Variants in CELSR1 observed in about 807,000 individuals in gnomAD.
CELSR1 encodes cadherin EGF LAG seven-pass G-type receptor 1.
In CELSR1, 110 loss-of-function variants were observed where a neutral mutation model predicts 249.1. That is an observed-to-expected ratio of 0.44 (90% CI 0.38 to 0.52). The LOEUF is 0.52. Ranked by LOEUF, CELSR1 falls within the 20% of genes least tolerant of loss-of-function variation. The pLI, the probability that CELSR1 is intolerant of heterozygous loss-of-function variation, is 0.00. For synonymous variants in CELSR1, 2,113 were observed against 1,900.0 expected (o/e 1.11, Z -2.92); for missense variants, 4,109 against 4,296.4 (o/e 0.96, Z 1.22).
intron 2 of CELSR1, 73 bp from the exon 3 acceptor site, chr22:46,439,484 G>C (rs2079715548): frequency 2.4e-6 from 3 of 1,267,974 alleles, no homozygotes; most frequent in African/African-American, 2.9e-5. Flanking sequence ...GCCTGTCGCA[G>C]ACCCTGGACA....
At chr22:46,370,559 G>A (rs192295674) in intron 25 of CELSR1, among the ~76,000 whole-genome samples, 4 of 152,344 alleles carry the variant, frequency 2.6e-5, no homozygotes, top group South Asian at 4.1e-4. Flanking sequence ...TGTCCATGCA[G>A]AGCATCAAGG....
chr22:46,523,781 C>T (rs1370035321), intron 1 of CELSR1, among the ~76,000 whole-genome samples: 3 of 152,100 alleles, frequency 2.0e-5, no homozygotes, highest in Admixed American at 2.0e-4. Flanking sequence ...CAGCTCTGAC[C>T]AGTGACATGC....
chr22:46,500,465 G>A lies in CELSR1; in HGVS notation c.3544+33162C>T, dbSNP rs2080455654. On this transcript the variant is annotated intron_variant, in intron 1 of 34. Transcript: ENST00000674500. This position sits in a 1 kb window ranked among gnomAD's most constrained non-coding sequence, Gnocchi z 4.9. The stretch of plus-strand genomic sequence containing the variant: ...TTGATGGGCAACCATGGGGACAATG[G>A]CAAGGCTCTGGGCTTATTCAGATGA... Among the ~76,000 whole-genome samples, 1 of 152,154 alleles carries A rather than the reference G, an allele frequency of 6.6e-6. No homozygotes were observed. The highest frequency in any genetic ancestry group is 2.1e-4 in the South Asian group (1 of 4,830).
At position 46,381,161 on chromosome 22, in the gene CELSR1, A is replaced by T. The variant is rs190954195; in HGVS notation, c.7089-206T>A. ...GACAGGGCACACAGAGAGAGGTGTC[A>T]CCTTTGGGTCAAATTGGGACTTCAG... On this transcript the variant is annotated intron_variant, in intron 21 of 34. Transcript: ENST00000674500. The surrounding 1 kb of genome is among the most constrained non-coding windows in gnomAD (Gnocchi z 6.0). Among the ~76,000 whole-genome samples the T allele has an allele frequency of 1.9e-3, 291 of 152,286 alleles. 1 individual carries two copies. The highest frequency in any genetic ancestry group is 3.5e-3 in the Admixed American group (53 of 15,300).
Position 46,377,427 on chromosome 22 carries a change from G to T in CELSR1, c.7384-166C>A, listed in dbSNP as rs573738116. 20 of 730,388 alleles carry T rather than the reference G, an allele frequency of 2.7e-5. No individual in the cohort carries two copies. In the African/African-American group the frequency reaches 2.8e-4, roughly 10 times the overall value. The allele number at this position is 730,388 out of a possible 1,614,324, so 45.2% of individuals were successfully genotyped here. A position where few individuals can be genotyped will look rare whatever the true frequency, so the allele number is the denominator to read the frequency against. ...TGCTCATGGCTCTGGGCCTGGAACT[G>T]CCCCTCCTGAGGCTCCTTCAATGCC... On this transcript the variant is annotated intron_variant, in intron 23 of 34. Transcript: ENST00000674500.
chr22:46,489,102 C>T (rs949376939), intron 1 of CELSR1, among the ~76,000 whole-genome samples: 6 of 152,176 alleles, frequency 3.9e-5, no homozygotes, highest in African/African-American at 2.4e-5. Context: ...CAAAGAATAA[C>T]TGCAATTCAG....
intron 20 of CELSR1, among the ~76,000 whole-genome samples, 178 bp from the exon 21 acceptor site, chr22:46,382,228 G>C (rs957255862): frequency 2.6e-5 from 4 of 152,188 alleles, no homozygotes; most frequent in African/African-American, 9.6e-5. Context: ...CCACTTCTGG[G>C]TATACACCCC....
chr22:46,487,312 T>G (rs1368970794), intron 1 of CELSR1, among the ~76,000 whole-genome samples: 1 of 151,558 alleles, frequency 6.6e-6, no homozygotes, highest in Non-Finnish European at 1.5e-5. Flanking sequence ...TAAAAACTAT[T>G]TGGTATAATA....
At position 46,402,609 on chromosome 22, in the gene CELSR1, G is replaced by T. The variant is rs2079220827; in HGVS notation, c.5227-2707C>A. The stretch of plus-strand genomic sequence containing the variant: ...AGTATACGAGGATATAAGGTAATAT[G>T]CTTGAAAACCAAGAGAAGCAAGGAA... On this transcript the variant is annotated intron_variant, in intron 9 of 34. Coordinates refer to ENST00000674500, the MANE Select transcript of CELSR1 (RefSeq NM_001378328.1). This position sits in a 1 kb window ranked among gnomAD's most constrained non-coding sequence, Gnocchi z 5.0. Among the ~76,000 whole-genome samples, 1 of 152,164 alleles carries T rather than the reference G, an allele frequency of 6.6e-6. No individual in the cohort carries two copies. Among genetic ancestry groups the T allele is most frequent in the Admixed American group, 6.5e-5 (1 of 15,270 alleles).
At chr22:46,524,220 C>T (rs2080714581) in intron 1 of CELSR1, among the ~76,000 whole-genome samples, 1 of 152,218 alleles carries the variant, frequency 6.6e-6, no homozygotes, top group African/African-American at 2.4e-5. Context: ...TAAGATTTCA[C>T]TGAGACGATG....
In CELSR1 at chr22:46,393,826, C is replaced by T. The variant is rs553746108; in HGVS notation, c.5964+316G>A. Among the ~76,000 whole-genome samples the T allele has an allele frequency of 5.3e-5, 8 of 151,620 alleles. No homozygotes were observed. In the South Asian group the frequency reaches 1.5e-3, roughly 28 times the overall value. ...CCATAGATGAGCCAGCCCTCAGAAA[C>T]GGGTGGGCTTCCCACAGCCATGGGC... is the stretch of plus-strand genomic sequence containing the variant. On this transcript the variant is annotated intron_variant, in intron 14 of 34. Transcript: ENST00000674500. This position sits in a 1 kb window ranked among gnomAD's most constrained non-coding sequence, Gnocchi z 4.1.
intron 5 of CELSR1, among the ~76,000 whole-genome samples, chr22:46,420,274 G>A (rs758064981): frequency 2.0e-5 from 3 of 149,396 alleles, no homozygotes; most frequent in Non-Finnish European, 3.0e-5. Flanking sequence ...CCACACACGT[G>A]CACTCATATA....
chr22:46,535,911 C>A lies in CELSR1; in HGVS notation c.1260G>T (p.Ala420=). Residue 420 remains alanine (A), a synonymous_variant, in exon 1 of 35, where the codon GCG becomes GCT. Transcript: ENST00000674500. ...CCTCCACCAGGAGCTGGTACTCGGC[C>A]GCCTCCTCCCGGTCCAGCACCGCCC... ...STRAVLDREE[A]AEYQLLVEAN... The A allele has an allele frequency of 1.2e-6, 2 of 1,608,792 alleles. No individual in the cohort carries two copies. The highest frequency in any genetic ancestry group is 1.7e-6 in the Non-Finnish European group (2 of 1,179,404).
Position 46,367,783 on chromosome 22 carries a change from C to G in CELSR1, c.8025G>C (p.Val2675=). ...SATWLLGLLA[V]NRDALSFHYL... ...AGTGAAAGCTCAGTGCATCGCGGTT[C>G]ACAGCCAGCAGCCCCAGCAGCCAGG... The change falls in exon 28 of 35, where the codon GTG becomes GTC. Residue 2675 remains valine, a synonymous_variant. Transcript: ENST00000674500. 6.2e-7 allele frequency: 1 copy of G among 1,611,124 alleles called. No individual in the cohort carries two copies. Among genetic ancestry groups the G allele is most frequent in the Non-Finnish European group, 8.5e-7 (1 of 1,179,466 alleles).
At position 46,384,676 on chromosome 22, in the gene CELSR1, G is replaced by A. The variant is rs147996421; in HGVS notation, c.6750C>T (p.Val2250=). 2.8e-3 allele frequency: 4,521 copies of A among 1,612,646 alleles called. 13 individuals are homozygous for A. Among genetic ancestry groups the A allele is most frequent in the Middle Eastern group, 7.6e-3 (46 of 6,052 alleles). ...VIVTANMILA[V]DIFDKFNFTG... is the part of the protein sequence containing the mutation. ...TAAAGTTGAACTTGTCAAAGATGTC[G>A]ACAGCAAGAACTGGGGGGACAGTTC... The change falls in exon 20 of 35, where the codon GTC becomes GTT. Residue 2250 remains valine (V), a synonymous_variant. Transcript: ENST00000674500.
In CELSR1 at chr22:46,500,392, G is replaced by C. The variant is rs966374289; in HGVS notation, c.3544+33235C>G. On this transcript the variant is annotated intron_variant, in intron 1 of 34. Coordinates refer to ENST00000674500, the MANE Select transcript of CELSR1 (RefSeq NM_001378328.1). The surrounding 1 kb of genome is among the most constrained non-coding windows in gnomAD (Gnocchi z 4.9). ...ATGGCGCAGAGATCACATTTACAGC[G>C]GTGGCGGTAACCATGGAAACTGGCA... Among the ~76,000 whole-genome samples the C allele has an allele frequency of 6.6e-6, 1 of 152,176 alleles. No individual in the cohort carries two copies. The highest frequency in any genetic ancestry group is 1.5e-5 in the Non-Finnish European group (1 of 68,038).
chr22:46,365,495 G>A, intron 31 of CELSR1, 91 bp downstream of exon 31: 1 of 1,543,926 alleles, frequency 6.5e-7, no homozygotes, highest in Admixed American at 1.9e-5. Context: ...TGGCGAGGCT[G>A]CTAGTGCTTC....
chr22:46,430,090 G>A lies in CELSR1; in HGVS notation c.4611+3303C>T, dbSNP rs1005071799. On this transcript the variant is annotated intron_variant, in intron 5 of 34. Coordinates refer to ENST00000674500, the MANE Select transcript of CELSR1 (RefSeq NM_001378328.1). This position sits in a 1 kb window ranked among gnomAD's most constrained non-coding sequence, Gnocchi z 4.6. Reference sequence around the variant, plus strand: ...GTTGCACGTGGAGGCAGTGCAGGAGGCCACTCTGACAGGCAACACCCGGGA... The same window carrying A: ...GTTGCACGTGGAGGCAGTGCAGGAGACCACTCTGACAGGCAACACCCGGGA... Among the ~76,000 whole-genome samples the A allele has an allele frequency of 6.6e-6, 1 of 152,188 alleles. No individual in the cohort carries two copies. Among genetic ancestry groups the A allele is most frequent in the Non-Finnish European group, 1.5e-5 (1 of 68,016 alleles).
intron 5 of CELSR1, among the ~76,000 whole-genome samples, chr22:46,419,135 T>C (rs2079436482): frequency 1.3e-5 from 2 of 152,190 alleles, no homozygotes; most frequent in Non-Finnish European, 2.9e-5. Flanking sequence ...ATCTCAGCCC[T>C]GCTCCTTTGG....
Sources: allele counts gnomAD v4.1 joint callset (sites outside exome capture counted in the v4.1 genomes callset), GRCh38; gene constraint gnomAD v4.1.1; non-coding constraint Gnocchi (gnomAD v3.1); transcripts MANE v1.5; gene names NCBI Gene and HGNC (gene_info 2026-07-23, HGNC 2026-07-21).